Variants in PLCH1 observed in about 807,000 individuals in gnomAD.
PLCH1 encodes the protein phospholipase C eta 1.
A neutral mutation model predicts 126.7 loss-of-function variants in PLCH1; 60 were observed. That is an observed-to-expected ratio of 0.47 (90% CI 0.38 to 0.59). The LOEUF is 0.59. Among genes scored for constraint, PLCH1 ranks in the 20% least tolerant of loss-of-function variants. The pLI, the probability that PLCH1 is intolerant of heterozygous loss-of-function variation, is 0.00. For synonymous variants in PLCH1, 719 were observed against 734.9 expected, an observed-to-expected ratio of 0.98 and a Z score of 0.35; for missense variants, 1,723 against 2,040.0, an observed-to-expected ratio of 0.84 and a Z score of 2.99.
At chr3:155,581,822 C>T (rs1577064042) in intron 6 of PLCH1, among the ~76,000 whole-genome samples, 2 of 150,892 alleles carry the variant, frequency 1.3e-5, no homozygotes, top group Admixed American at 6.6e-5. Context: ...TCTCGGCTCA[C>T]CACAACCTCC....
At chr3:155,556,594 T>C (rs191676015) in intron 8 of PLCH1, among the ~76,000 whole-genome samples, 1 of 152,376 alleles carries the variant, frequency 6.6e-6, no homozygotes, top group East Asian at 1.9e-4. Context: ...CACCAGTCTA[T>C]ATGTTCTGTG....
chr3:155,607,012 T>C (rs921909914), intron 2 of PLCH1, among the ~76,000 whole-genome samples: 2 of 152,186 alleles, frequency 1.3e-5, no homozygotes, highest in Non-Finnish European at 2.9e-5. Context: ...GAAATCTCCA[T>C]GTGTAACAGT....
intron 10 of PLCH1, among the ~76,000 whole-genome samples, chr3:155,537,696 T>A (rs142945641): frequency 6.6e-6 from 1 of 151,896 alleles, no homozygotes; most frequent in Non-Finnish European, 1.5e-5. Flanking sequence ...CAGGAAAATA[T>A]CACAATCCTA....
Position 155,599,554 on chromosome 3 carries a change from A to C in PLCH1, c.80-3176T>G, listed in dbSNP as rs1332614135. On this transcript the variant is annotated intron_variant, in intron 2 of 22. Coordinates refer to ENST00000460012, the MANE Select transcript of PLCH1 (RefSeq NM_014996.4). ...CCACCAGCAATGAGAGGCTCACTAG[A>C]TATATCTGTTCAAAGGATTGGCTGG... Among the ~76,000 whole-genome samples the C allele has an allele frequency of 2.0e-5, 3 of 152,300 alleles. No homozygotes were observed. The East Asian group carries it at 5.8e-4, about 29-fold the overall frequency.
chr3:155,550,100 A>T, intron 9 of PLCH1, 142 bp from the exon 10 acceptor site: 1 of 558,998 alleles, frequency 1.8e-6, no homozygotes, highest in Non-Finnish European at 3.1e-6. Context: ...TGCTTCTAAA[A>T]TGAGAAAGAT....
At chr3:155,469,991 A>C (rs2107981516) in intron 21 of PLCH1, among the ~76,000 whole-genome samples, 1 of 152,338 alleles carries the variant, frequency 6.6e-6, no homozygotes, top group East Asian at 1.9e-4. Context: ...CAGAACAGAA[A>C]AACTGGAAAC....
intron 10 of PLCH1, among the ~76,000 whole-genome samples, chr3:155,529,375 GA>G (rs1722364734): frequency 8.8e-6 from 1 of 113,800 alleles, no homozygotes; most frequent in Non-Finnish European, 2.0e-5. Context: ...AGAGTCTATC[GA>G]AAATTACTAT....
At chr3:155,470,351 T>A (rs1713148704) in intron 21 of PLCH1, among the ~76,000 whole-genome samples, 1 of 151,760 alleles carries the variant, frequency 6.6e-6, no homozygotes, top group Non-Finnish European at 1.5e-5. Context: ...ATGAATGAAA[T>A]GAAGCGAGAA....
rs144838218 is a variant in PLCH1, at chr3:155,649,536, A to C, written c.80-53158T>G. Among the ~76,000 whole-genome samples, 856 of 152,178 alleles carry C rather than the reference A, an allele frequency of 5.6e-3. 11 individuals carry two copies. The highest frequency in any genetic ancestry group is 0.02 in the African/African-American group (811 of 41,532). On this transcript the variant is annotated intron_variant, in intron 2 of 22. Coordinates refer to ENST00000460012, the MANE Select transcript of PLCH1 (RefSeq NM_014996.4). ...TGCAAGGGAGGGGTCTCACTTCTCC[A>C]TCTTGTATTTCTAGTCATTTCAGTT... is the stretch of plus-strand genomic sequence containing the variant.
At chr3:155,490,568 A>G (rs1576811040) in intron 19 of PLCH1, among the ~76,000 whole-genome samples, 1 of 152,222 alleles carries the variant, frequency 6.6e-6, no homozygotes. Context: ...TTTAAAAGCA[A>G]AAGTCTAGAG....
Position 155,481,573 on chromosome 3 carries a change from T to C in PLCH1, c.4453A>G (p.Lys1485Glu). 4 of 1,614,198 alleles carry C rather than the reference T, an allele frequency of 2.5e-6. No homozygotes were observed. Among genetic ancestry groups the C allele is most frequent in the Non-Finnish European group, 2.5e-6 (3 of 1,180,036 alleles). The change falls in exon 23 of 23, where the codon AAA (lysine) becomes GAA (glutamate). Residue 1485 changes from lysine (K) to glutamate (E), a missense_variant. Coordinates refer to ENST00000460012, the MANE Select transcript of PLCH1 (RefSeq NM_014996.4). This position sits in a 1 kb window ranked among gnomAD's most constrained non-coding sequence, Gnocchi z 4.2. ...ALKLPSPCKS[K>E]SLGDLTSEDI... ...TCTGATGTTAAGTCCCCCAGACTTT[T>C]GGATTTGCAAGGACTAGGCAGTTTC...
At chr3:155,701,247 G>A (rs407217) in intron 2 of PLCH1, among the ~76,000 whole-genome samples, 1 of 151,894 alleles carries the variant, frequency 6.6e-6, no homozygotes, top group Non-Finnish European at 1.5e-5. Context: ...TTCTGGGATT[G>A]TGGGTAATAT....
chr3:155,688,809 G>C (rs1032301040), intron 2 of PLCH1, among the ~76,000 whole-genome samples: 1 of 152,240 alleles, frequency 6.6e-6, no homozygotes, highest in Admixed American at 6.5e-5. Context: ...AGGCTCCTCT[G>C]CCTGTGGAAA....
intron 10 of PLCH1, among the ~76,000 whole-genome samples, chr3:155,529,171 T>C (rs1420021514): frequency 6.6e-6 from 1 of 152,232 alleles, no homozygotes; most frequent in Non-Finnish European, 1.5e-5. Context: ...ATATATTTCA[T>C]GCAGAAGTTA....
chr3:155,731,684 T>G (rs2109178137), intron 1 of PLCH1, among the ~76,000 whole-genome samples: 1 of 152,150 alleles, frequency 6.6e-6, no homozygotes, highest in East Asian at 1.9e-4. Context: ...GCCACAAACA[T>G]CAAGAATAGT....
chr3:155,467,441 G>A (rs1223277520), intron 21 of PLCH1, among the ~76,000 whole-genome samples: 1 of 152,100 alleles, frequency 6.6e-6, no homozygotes, highest in African/African-American at 2.4e-5. Flanking sequence ...GGACGTGGTG[G>A]TGCGCACCTG....
At chr3:155,610,386 A>AAC (rs1457710230) in intron 2 of PLCH1, among the ~76,000 whole-genome samples, 1 of 150,344 alleles carries the variant, frequency 6.7e-6, no homozygotes, top group Non-Finnish European at 1.5e-5. Context: ...AAAAAAAAAA[A>AAC]AAACCATCAC....
chr3:155,532,289 A>G (rs1186128018), intron 10 of PLCH1, among the ~76,000 whole-genome samples: 3 of 152,218 alleles, frequency 2.0e-5, no homozygotes, highest in Non-Finnish European at 4.4e-5. Context: ...GAAAACCAAA[A>G]GAATTCACAG....
chr3:155,714,120 C>G (rs926271953), intron 1 of PLCH1, among the ~76,000 whole-genome samples: 2 of 152,178 alleles, frequency 1.3e-5, no homozygotes, highest in African/African-American at 4.8e-5. Flanking sequence ...TCCTGTACTT[C>G]GGCCTCTGAC....
Sources: allele counts gnomAD v4.1 joint callset (sites outside exome capture counted in the v4.1 genomes callset), GRCh38; gene constraint gnomAD v4.1.1; non-coding constraint Gnocchi (gnomAD v3.1); transcripts MANE v1.5; gene names NCBI Gene and HGNC (gene_info 2026-07-23, HGNC 2026-07-21).